Variants in F2 observed in about 807,000 individuals in gnomAD.
The protein encoded by F2 is coagulation factor II, thrombin, also known as prothrombin.
F2 carries 34 observed loss-of-function variants against 81.9 expected under a neutral mutation model. That is an observed-to-expected ratio of 0.42 (90% confidence interval 0.32 to 0.55). The LOEUF is 0.55. Among genes scored for constraint, F2 ranks in the 20% least tolerant of loss-of-function variants. The pLI, the probability that F2 is intolerant of heterozygous loss-of-function variation, is 0.18. For synonymous variants in F2, 296 were observed against 326.4 expected (o/e 0.91, Z 1.01); for missense variants, 630 against 833.4 (o/e 0.76, Z 3.00).
intron 12 of F2, among the ~76,000 whole-genome samples, chr11:46,734,698 C>A (rs1306018593): frequency 6.6e-6 from 1 of 152,096 alleles, no homozygotes; most frequent in Non-Finnish European, 1.5e-5. Flanking sequence ...GTAGTCCCAG[C>A]TACTCAGGAG....
chr11:46,719,699 C>T lies in F2; in HGVS notation c.80-3C>T, dbSNP rs1264670512. 1.3e-6 allele frequency: 2 copies of T among 1,587,174 alleles called. No homozygotes were observed. Among genetic ancestry groups the T allele is most frequent in the African/African-American group, 1.3e-5 (1 of 74,524 alleles). Reference sequence around the variant, plus strand: ...GTCCCATGACCCCCCCACCGCCTTACAGTGTTCCTGGCTCCTCAGCAAGCA... The same window carrying T: ...GTCCCATGACCCCCCCACCGCCTTATAGTGTTCCTGGCTCCTCAGCAAGCA... On this transcript the variant is annotated splice_region_variant and splice_polypyrimidine_tract_variant and intron_variant, in intron 1 of 13. Transcript: ENST00000311907. The surrounding 1 kb of genome is among the most constrained non-coding windows in gnomAD (Gnocchi z 4.7).
chr11:46,729,960 A>G lies in F2; in HGVS notation c.1654+399A>G, dbSNP rs3136477. On this transcript the variant is annotated intron_variant, in intron 12 of 13. Coordinates refer to ENST00000311907, the MANE Select transcript of F2 (RefSeq NM_000506.5). ...GCTTCCTTCCTAGGAGGGCACATCC[A>G]TAAACAGATCTAAAACAGCAATCCC... Among the ~76,000 whole-genome samples, 956 of 152,178 alleles carry G rather than the reference A, an allele frequency of 6.3e-3. 13 individuals are homozygous for G. Among genetic ancestry groups the G allele is most frequent in the African/African-American group, 0.022 (912 of 41,496 alleles).
chr11:46,739,465 GT>G lies in F2; in HGVS notation c.*60del. On this transcript the variant is annotated 3_prime_UTR_variant, in exon 14 of 14. Coordinates refer to ENST00000311907, the MANE Select transcript of F2 (RefSeq NM_000506.5). ...AATCCCGTGAAAGAATTATTTTTGTGTTTCTAAAACTATGGTTCCCAATAAA... is the reference window on the plus strand; with the variant it reads ...AATCCCGTGAAAGAATTATTTTTGTGTTCTAAAACTATGGTTCCCAATAAA... 6.2e-7 allele frequency: 1 copy of G among 1,609,132 alleles called. No individual in the cohort carries two copies. The highest frequency in any genetic ancestry group is 1.1e-5 in the South Asian group (1 of 90,782).
In F2 at chr11:46,728,732, G is replaced by A. The variant is rs143498218; in HGVS notation, c.1367G>A (p.Arg456Gln). The change falls in exon 11 of 14, where the codon CGG becomes CAG. Residue 456 changes from arginine (R) to glutamine (Q), a missense_variant. Physicochemically the swap from Arg to Gln is conservative, Grantham distance 43. Coordinates refer to ENST00000311907, the MANE Select transcript of F2 (RefSeq NM_000506.5). This position sits in a 1 kb window ranked among gnomAD's most constrained non-coding sequence, Gnocchi z 5.1. ...TACATCCACCCCAGGTACAACTGGCGGGAGAACCTGGACCGGGACATTGCC... is the reference window on the plus strand; with the variant it reads ...TACATCCACCCCAGGTACAACTGGCAGGAGAACCTGGACCGGGACATTGCC... ...KIYIHPRYNW[R>Q]ENLDRDIALM... 23 of 1,614,208 alleles carry A rather than the reference G, an allele frequency of 1.4e-5. No homozygotes were observed. The highest frequency in any genetic ancestry group is 1.6e-4 in the Middle Eastern group (1 of 6,062).
chr11:46,725,827 A>G, intron 6 of F2, 32 bp from the exon 7 acceptor site: 1 of 1,610,014 alleles, frequency 6.2e-7, no homozygotes, highest in Non-Finnish European at 8.5e-7. Context: ...GGTCTCACTC[A>G]CTCTGCTGCC....
intron 6 of F2, 58 bp from the exon 7 acceptor site, chr11:46,725,801 G>A (rs1405388359): frequency 6.3e-7 from 1 of 1,585,894 alleles, no homozygotes; most frequent in Non-Finnish European, 8.6e-7. Context: ...ACCCCTGTCT[G>A]TTCCGGTCCA....
At chr11:46,731,878 A>G (rs1226395736) in intron 12 of F2, among the ~76,000 whole-genome samples, 2 of 148,538 alleles carry the variant, frequency 1.3e-5, no homozygotes, top group Non-Finnish European at 3.0e-5. Flanking sequence ...TTCCCTTTGT[A>G]ATTAATAAGA....
intron 12 of F2, 119 bp downstream of exon 12, chr11:46,729,680 T>G: frequency 8.8e-7 from 1 of 1,134,842 alleles, no homozygotes; most frequent in Non-Finnish European, 1.3e-6. Flanking sequence ...GTGGCTCAGT[T>G]TCTTCCTCTG....
rs368155840 is a variant in F2 at position 46,720,865 on chromosome 11, G to T, written c.316+25G>T. 69 of 1,613,184 alleles carry T rather than the reference G, an allele frequency of 4.3e-5. No individual in the cohort carries two copies. In the East Asian group the frequency reaches 1.5e-3, roughly 35 times the overall value. ...GGTGAGCAACTGACACGGGTTTGGGGAGCAGGACATGGAGGGGAGCCTGGG... is the reference window on the plus strand; with the variant it reads ...GGTGAGCAACTGACACGGGTTTGGGTAGCAGGACATGGAGGGGAGCCTGGG... On this transcript the variant is annotated intron_variant, in intron 4 of 13. Transcript: ENST00000311907.
chr11:46,725,329 A>G (rs553764928), intron 6 of F2, among the ~76,000 whole-genome samples: 1 of 152,170 alleles, frequency 6.6e-6, no homozygotes, highest in South Asian at 2.1e-4. Context: ...TCGGCCTCCC[A>G]AAGTTCTGGG....
chr11:46,727,027 G>T (rs1317980749), intron 9 of F2, among the ~76,000 whole-genome samples, 190 bp downstream of exon 9: 1 of 152,182 alleles, frequency 6.6e-6, no homozygotes, highest in Non-Finnish European at 1.5e-5. Context: ...TTCTTAGATG[G>T]AGTCTTGCTC....
intron 12 of F2, among the ~76,000 whole-genome samples, chr11:46,736,545 G>T (rs1338717908): frequency 6.6e-6 from 1 of 152,180 alleles, no homozygotes; most frequent in Non-Finnish European, 1.5e-5. Context: ...TGATCCTCCT[G>T]CCTTGGCCTC....
chr11:46,729,733 G>A (rs890082321), intron 12 of F2, among the ~76,000 whole-genome samples, 172 bp downstream of exon 12: 14 of 152,112 alleles, frequency 9.2e-5, no homozygotes, highest in Non-Finnish European at 2.9e-5. Context: ...GTTATGGGAG[G>A]GTTAAATGAA....
At position 46,728,282 on chromosome 11, in the gene F2, A is replaced by C; in HGVS notation, c.1298+119A>C. 1.2e-5 allele frequency: 13 copies of C among 1,111,166 alleles called. No homozygotes were observed. Among genetic ancestry groups the C allele is most frequent in the Non-Finnish European group, 1.6e-5 (12 of 754,860 alleles). The allele number at this position is 1,111,166 out of a possible 1,614,324, so 68.8% of individuals were successfully genotyped here. On this transcript the variant is annotated intron_variant, in intron 10 of 13. Transcript: ENST00000311907. The surrounding 1 kb of genome is among the most constrained non-coding windows in gnomAD (Gnocchi z 5.1). The stretch of plus-strand genomic sequence containing the variant: ...TTCTGTATACCCCCCAGAATATAAC[A>C]TCCCAGCAGTCTCTGCTGGAAAGCC...
At position 46,728,098 on chromosome 11, in the gene F2, G is replaced by A. The variant is rs5898; in HGVS notation, c.1233G>A (p.Pro411=). ...VLTAAHCLLY[P]PWDKNFTEND... is the part of the protein sequence containing the mutation. ...CCGCCGCCCACTGCCTCCTGTACCC[G>A]CCCTGGGACAAGAACTTCACCGAGA... Residue 411 remains proline, a synonymous_variant, in exon 10 of 14, where the codon CCG becomes CCA. Coordinates refer to ENST00000311907, the MANE Select transcript of F2 (RefSeq NM_000506.5). The surrounding 1 kb of genome is among the most constrained non-coding windows in gnomAD (Gnocchi z 5.1). The A allele has an allele frequency of 0.079, 126,667 of 1,610,160 alleles. 5,648 individuals are homozygous for A. Among genetic ancestry groups the A allele is most frequent in the Middle Eastern group, 0.1 (622 of 6,058 alleles).
At position 46,723,619 on chromosome 11, in the gene F2, A is replaced by G. The variant is rs1565702430; in HGVS notation, c.559+101A>G. The G allele has an allele frequency of 7.0e-7, 1 of 1,429,778 alleles. No homozygotes were observed. The highest frequency in any genetic ancestry group is 9.5e-7 in the Non-Finnish European group (1 of 1,047,532). 88.6% of individuals were successfully genotyped at this position (1,429,778 alleles called of 1,614,324 possible). On this transcript the variant is annotated intron_variant, in intron 6 of 13. Coordinates refer to ENST00000311907, the MANE Select transcript of F2 (RefSeq NM_000506.5). This position sits in a 1 kb window ranked among gnomAD's most constrained non-coding sequence, Gnocchi z 5.6. ...CCAAGAATACTGGCTACCCAGGCAC[A>G]GTGGCTCATGCCCGTAATCCCAGCA...
At chr11:46,733,327 C>T (rs905170547) in intron 12 of F2, among the ~76,000 whole-genome samples, 2 of 152,196 alleles carry the variant, frequency 1.3e-5, no homozygotes, top group Non-Finnish European at 2.9e-5. Flanking sequence ...CTTTAGCCTC[C>T]CGAGTAGCCA....
At chr11:46,721,301 A>C (rs1435624998) in intron 4 of F2, among the ~76,000 whole-genome samples, 1 of 152,150 alleles carries the variant, frequency 6.6e-6, no homozygotes. Context: ...CTCGGCCTCA[A>C]AGTGCTGGGA....
rs2070851 is a variant in F2 at position 46,722,978 on chromosome 11, T to C, written c.317-202T>C. Reference sequence around the variant, plus strand: ...ACTGAGCACCCGACAGTGCCTGTCATATGGTAGGCACTTAGCGAATATTTG... The same window carrying C: ...ACTGAGCACCCGACAGTGCCTGTCACATGGTAGGCACTTAGCGAATATTTG... On this transcript the variant is annotated intron_variant, in intron 4 of 13. Coordinates refer to ENST00000311907, the MANE Select transcript of F2 (RefSeq NM_000506.5). The C allele has an allele frequency of 0.25, 167,271 of 670,508 alleles. 25,385 individuals carry two copies. Among genetic ancestry groups the C allele is most frequent in the East Asian group, 0.61 (22,163 of 36,510 alleles). 41.5% of individuals were successfully genotyped at this position (670,508 alleles called of 1,614,324 possible).
Sources: allele counts gnomAD v4.1 joint callset (sites outside exome capture counted in the v4.1 genomes callset), GRCh38; gene constraint gnomAD v4.1.1; non-coding constraint Gnocchi (gnomAD v3.1); transcripts MANE v1.5; gene names NCBI Gene and HGNC (gene_info 2026-07-23, HGNC 2026-07-21).